The following JHY variants were observed in gnomAD, a reference collection of about 807,000 sequenced individuals.
JHY encodes the protein junctional cadherin complex regulator.
Under a neutral mutation model 78.0 loss-of-function variants are expected in JHY, and 69 were observed. The ratio of observed to expected loss-of-function variants is 0.88; its 90% CI spans 0.73 to 1.08. The LOEUF (loss-of-function observed/expected upper bound fraction) is 1.08, where lower values mean the gene tolerates loss of function less well. Ranked by LOEUF, JHY falls within the 50% of genes least tolerant of loss-of-function variation. The probability of loss-of-function intolerance (pLI) is 0.00; values close to 1 mark genes in which losing one functional copy is unlikely to be tolerated. For missense variants in JHY, 944 were observed against 927.8 expected (o/e 1.02, Z -0.23); for synonymous variants, 368 against 342.6 (o/e 1.07, Z -0.82).
chr11:122,917,464 G>A lies in JHY; in HGVS notation c.865-7433G>A, dbSNP rs1209870304. Among the ~76,000 whole-genome samples the A allele has an allele frequency of 6.6e-6, 1 of 152,178 alleles. No homozygotes were observed. The highest frequency in any genetic ancestry group is 1.5e-5 in the Non-Finnish European group (1 of 68,030). ...TCTCATATTGTGTTCCTTGGACCAG[G>A]AGCATCATCATCACCTGGGAACTTA... On this transcript the variant is annotated intron_variant, in intron 3 of 8. Coordinates refer to ENST00000227349, the MANE Select transcript of JHY (RefSeq NM_024806.4). This position sits in a 1 kb window ranked among gnomAD's most constrained non-coding sequence, Gnocchi z 4.1.
chr11:122,945,895 G>A (rs1317660440), intron 5 of JHY, among the ~76,000 whole-genome samples: 2 of 152,130 alleles, frequency 1.3e-5, no homozygotes, highest in East Asian at 1.9e-4. Context: ...CTCATGGCTG[G>A]TGAATGGGTT....
chr11:122,949,906 G>A (rs1864050199), intron 6 of JHY, among the ~76,000 whole-genome samples: 2 of 149,010 alleles, frequency 1.3e-5, no homozygotes, highest in African/African-American at 2.5e-5. Context: ...AAGCAATCTC[G>A]GCTCACTGCA....
intron 2 of JHY, among the ~76,000 whole-genome samples, chr11:122,896,301 C>T (rs1257159839): frequency 6.9e-6 from 1 of 145,928 alleles, no homozygotes; most frequent in African/African-American, 2.6e-5. Context: ...TGAGATCGCA[C>T]CACTGCACTC....
At chr11:122,938,281 T>A (rs1863799351) in intron 5 of JHY, among the ~76,000 whole-genome samples, 1 of 152,140 alleles carries the variant, frequency 6.6e-6, no homozygotes, top group Non-Finnish European at 1.5e-5. Flanking sequence ...ACCGTTATTA[T>A]GATTTTGTTT....
intron 1 of JHY, among the ~76,000 whole-genome samples, chr11:122,885,149 A>G (rs1343454900): frequency 6.6e-6 from 1 of 151,870 alleles, no homozygotes; most frequent in Non-Finnish European, 1.5e-5. Flanking sequence ...GATGAGGTTG[A>G]TCTCCATTTA....
intron 5 of JHY, among the ~76,000 whole-genome samples, chr11:122,944,660 A>T (rs1007091650): frequency 6.6e-6 from 1 of 152,180 alleles, no homozygotes; most frequent in Non-Finnish European, 1.5e-5. Context: ...TCTCTGCCTC[A>T]CATCCTTTCT....
rs1435698421 is a variant in JHY at position 122,961,893 on chromosome 11, G to A, written c.*2448G>A. ...TAACAGAGCATCAAGACATTAGTTA[G>A]AAACCCTCCAACAAGTCCAGAAACA... On this transcript the variant is annotated 3_prime_UTR_variant, in exon 9 of 9. Transcript: ENST00000227349. 6.6e-6 allele frequency among the ~76,000 whole-genome samples: 1 copy of A among 152,128 alleles called. No homozygotes were observed. Among genetic ancestry groups the A allele is most frequent in the Non-Finnish European group, 1.5e-5 (1 of 68,036 alleles).
At chr11:122,955,621 C>T (rs1300999562) in intron 6 of JHY, among the ~76,000 whole-genome samples, 4 of 152,166 alleles carry the variant, frequency 2.6e-5, no homozygotes, top group Non-Finnish European at 2.9e-5. Flanking sequence ...ATATTCAATT[C>T]TATGTGCCCT....
intron 3 of JHY, among the ~76,000 whole-genome samples, chr11:122,920,783 T>C (rs775358760): frequency 6.6e-6 from 1 of 152,192 alleles, no homozygotes; most frequent in Non-Finnish European, 1.5e-5. Flanking sequence ...CTCATCAAGA[T>C]TGCCTGCGCT....
rs544034152 is a variant in JHY, at chr11:122,963,390, T to A, written c.*3945T>A. ...CATTAAAATTCTTTATATAGTGCCA[T>A]GTGGCATCTAAAATAACTTTGGCTA... On this transcript the variant is annotated 3_prime_UTR_variant, in exon 9 of 9. Coordinates refer to ENST00000227349, the MANE Select transcript of JHY (RefSeq NM_024806.4). 1.2e-4 allele frequency among the ~76,000 whole-genome samples: 18 copies of A among 152,302 alleles called. No homozygotes were observed. The highest frequency in any genetic ancestry group is 3.9e-4 in the Admixed American group (6 of 15,298).
At chr11:122,931,798 C>T (rs1018267133) in intron 4 of JHY, among the ~76,000 whole-genome samples, 8 of 152,148 alleles carry the variant, frequency 5.3e-5, no homozygotes, top group Middle Eastern at 3.4e-3. Flanking sequence ...AAAGGAAAGC[C>T]GTAAAAGAGA....
rs1337652691 is a variant in JHY, at chr11:122,962,802, T to C, written c.*3357T>C. ...AGTTTTTCAGAAGATGAAATGGAGGTGAAGAGAAAGGTTACATGACTCGGA... is the reference window on the plus strand; with the variant it reads ...AGTTTTTCAGAAGATGAAATGGAGGCGAAGAGAAAGGTTACATGACTCGGA... On this transcript the variant is annotated 3_prime_UTR_variant, in exon 9 of 9. Coordinates refer to ENST00000227349, the MANE Select transcript of JHY (RefSeq NM_024806.4). Among the ~76,000 whole-genome samples the C allele has an allele frequency of 6.6e-6, 1 of 152,016 alleles. No homozygotes were observed. The highest frequency in any genetic ancestry group is 1.5e-5 in the Non-Finnish European group (1 of 67,980).
At chr11:122,888,128 TAA>T (rs1250872701) in intron 2 of JHY, among the ~76,000 whole-genome samples, 1 of 152,166 alleles carries the variant, frequency 6.6e-6, no homozygotes, top group Non-Finnish European at 1.5e-5. Context: ...GTAAAAGTGA[TAA>T]GAGTTGTCAC....
At chr11:122,916,924 T>G (rs1183140421) in intron 3 of JHY, among the ~76,000 whole-genome samples, 1 of 152,136 alleles carries the variant, frequency 6.6e-6, no homozygotes, top group Non-Finnish European at 1.5e-5. Flanking sequence ...CTACTGCACC[T>G]GGCCATAATC....
intron 4 of JHY, among the ~76,000 whole-genome samples, chr11:122,929,309 A>G (rs1260914755): frequency 6.6e-6 from 1 of 151,734 alleles, no homozygotes; most frequent in African/African-American, 2.4e-5. Context: ...TCATTATGTA[A>G]TCATTATAAT....
At chr11:122,931,247 G>A (rs1863629409) in intron 4 of JHY, among the ~76,000 whole-genome samples, 1 of 152,182 alleles carries the variant, frequency 6.6e-6, no homozygotes, top group Non-Finnish European at 1.5e-5. Context: ...ATTAAGTAAT[G>A]TTTCAAAAGG....
chr11:122,915,558 G>C (rs975456531), intron 3 of JHY, among the ~76,000 whole-genome samples: 2 of 152,226 alleles, frequency 1.3e-5, no homozygotes, highest in Middle Eastern at 3.4e-3. Context: ...TGTCATCCAG[G>C]CTGGAGTGCA....
intron 5 of JHY, among the ~76,000 whole-genome samples, chr11:122,941,595 C>T (rs1294572454): frequency 1.3e-5 from 2 of 152,226 alleles, no homozygotes; most frequent in Non-Finnish European, 2.9e-5. Flanking sequence ...ACTACATTGA[C>T]TCAAAATTAC....
intron 2 of JHY, among the ~76,000 whole-genome samples, chr11:122,894,316 A>G (rs1165500931): frequency 6.6e-6 from 1 of 152,030 alleles, no homozygotes; most frequent in Non-Finnish European, 1.5e-5. Flanking sequence ...AAAAAACAAA[A>G]CAAAAAAAAA....
Sources: allele counts gnomAD v4.1 joint callset (sites outside exome capture counted in the v4.1 genomes callset), GRCh38; gene constraint gnomAD v4.1.1; non-coding constraint Gnocchi (gnomAD v3.1); transcripts MANE v1.5; gene names NCBI Gene and HGNC (gene_info 2026-07-23, HGNC 2026-07-21).